VPS13B: variants seen among roughly 807,000 people sequenced by gnomAD.
VPS13B encodes the protein vacuolar protein sorting 13 homolog B, also known as intermembrane lipid transfer protein VPS13B.
Under a neutral mutation model 426.4 loss-of-function variants are expected in VPS13B, and 285 were observed. The observed-to-expected ratio is 0.67, with a 90% CI of 0.61 to 0.74. VPS13B has a LOEUF of 0.74. Among genes scored for constraint, VPS13B ranks in the 30% least tolerant of loss-of-function variants. VPS13B has a pLI of 0.00. For missense variants in VPS13B, 4,537 were observed against 4,782.6 expected (o/e 0.95, Z 1.51); for synonymous variants, 1,676 against 1,676.4 (o/e 1.00, Z 0.01).
At chr8:99,515,636 A>G (rs572088028) in intron 29 of VPS13B, among the ~76,000 whole-genome samples, 2 of 151,946 alleles carry the variant, frequency 1.3e-5, no homozygotes, top group South Asian at 4.1e-4. Flanking sequence ...CTTTGCAAAT[A>G]TGCATATTTT....
chr8:99,424,356 G>C (rs200338046), intron 21 of VPS13B: 3 of 151,762 alleles, frequency 2.0e-5, no homozygotes, highest in Non-Finnish European at 4.4e-5. Flanking sequence ...GGTCTTGACT[G>C]TTTATCCAAT....
intron 17 of VPS13B, chr8:99,209,776 T>C: frequency 1.1e-6 from 1 of 908,846 alleles, no homozygotes; most frequent in African/African-American, 1.8e-5. Flanking sequence ...ATATTAAATA[T>C]TCTTTATACA....
intron 15 of VPS13B, among the ~76,000 whole-genome samples, chr8:99,162,412 A>T (rs1368702031): frequency 6.6e-6 from 1 of 152,218 alleles, no homozygotes; most frequent in African/African-American, 2.4e-5. Context: ...TATATGATGA[A>T]ATTGTGTCCG....
chr8:99,191,979 G>T (rs1813622428), intron 16 of VPS13B, among the ~76,000 whole-genome samples: 1 of 152,138 alleles, frequency 6.6e-6, no homozygotes, highest in Non-Finnish European at 1.5e-5. Flanking sequence ...ATGGTGGAGG[G>T]TTTGTGGGGT....
intron 17 of VPS13B, among the ~76,000 whole-genome samples, chr8:99,251,575 C>A (rs1490857575): frequency 6.6e-6 from 1 of 152,070 alleles, no homozygotes; most frequent in African/African-American, 2.4e-5. Flanking sequence ...TCGCTGAATT[C>A]TATTTTTAAT....
chr8:99,867,956 C>A, intron 58 of VPS13B: 1 of 360,084 alleles, frequency 2.8e-6, no homozygotes, highest in Non-Finnish European at 5.4e-6. Context: ...GAACTGTTAG[C>A]TCCTCTCTCT....
rs144484712 is a variant in VPS13B at position 99,501,076 on chromosome 8, T to C, written c.3871-611T>C. Among the ~76,000 whole-genome samples the C allele has an allele frequency of 7.9e-4, 120 of 152,354 alleles. 2 individuals are homozygous for C. The highest frequency in any genetic ancestry group is 2.5e-3 in the African/African-American group (106 of 41,594). On this transcript the variant is annotated intron_variant, in intron 25 of 61. Coordinates refer to ENST00000357162, the MANE Select transcript of VPS13B (RefSeq NM_152564.5). ...ACTTAAAAAAATCTATTGTCAAATC[T>C]ACTAATTTTTAATGTCTCCTTAATT...
At chr8:99,635,186 C>T (rs12541307) in intron 33 of VPS13B, among the ~76,000 whole-genome samples, 1 of 151,762 alleles carries the variant, frequency 6.6e-6, no homozygotes, top group Admixed American at 6.6e-5. Context: ...AATACTGTAA[C>T]TTTTTTTACT....
chr8:99,600,795 C>T (rs1827254117), intron 33 of VPS13B, among the ~76,000 whole-genome samples: 1 of 152,110 alleles, frequency 6.6e-6, no homozygotes, highest in Non-Finnish European at 1.5e-5. Context: ...GGCAATGACT[C>T]TTCTGTTTAC....
intron 33 of VPS13B, among the ~76,000 whole-genome samples, chr8:99,610,901 T>G (rs1317643199): frequency 6.6e-6 from 1 of 152,228 alleles, no homozygotes; most frequent in Non-Finnish European, 1.5e-5. Context: ...AGAAAATCTA[T>G]GTGAGATATT....
chr8:99,506,215 A>G (rs1821491101), intron 27 of VPS13B, among the ~76,000 whole-genome samples: 1 of 152,164 alleles, frequency 6.6e-6, no homozygotes, highest in Admixed American at 6.5e-5. Flanking sequence ...GATGACTCTC[A>G]TCTCACAGAT....
intron 23 of VPS13B, among the ~76,000 whole-genome samples, chr8:99,462,239 T>C (rs756492722): frequency 6.8e-6 from 1 of 147,610 alleles, no homozygotes; most frequent in Non-Finnish European, 1.5e-5. Context: ...GAGAACTTGC[T>C]TATAAACTCT....
chr8:99,136,691 G>A lies in VPS13B; in HGVS notation c.1590G>A (p.Met530Ile), dbSNP rs200519753. 240 of 1,613,520 alleles carry A rather than the reference G, an allele frequency of 1.5e-4. No individual in the cohort carries two copies. Among genetic ancestry groups the A allele is most frequent in the Non-Finnish European group, 1.9e-4 (224 of 1,179,666 alleles). Residue 530 changes from methionine (M) to isoleucine (I), a missense_variant, in exon 12 of 62, where the codon ATG becomes ATA. By Grantham distance (10) the Met-to-Ile change is conservative (BLOSUM62 1). Coordinates refer to ENST00000357162, the MANE Select transcript of VPS13B (RefSeq NM_152564.5). Reference protein sequence around the residue: ...HKETYTEIAGMQRFGAFYMDY... With the variant: ...HKETYTEIAGIQRFGAFYMDY... ...AGACATACACTGAGATAGCTGGAAT[G>A]CAACGGTTTGGGGCTTTTTATATGG...
chr8:99,409,747 A>G (rs923229024), intron 21 of VPS13B, among the ~76,000 whole-genome samples: 8 of 152,176 alleles, frequency 5.3e-5, no homozygotes, highest in African/African-American at 1.9e-4. Context: ...CATCCGGACT[A>G]CATGCTGGCG....
At chr8:99,648,657 C>T (rs904219044) in intron 34 of VPS13B, among the ~76,000 whole-genome samples, 1 of 152,058 alleles carries the variant, frequency 6.6e-6, no homozygotes, top group Non-Finnish European at 1.5e-5. Flanking sequence ...TACATAGGTT[C>T]CTTTACTGTC....
chr8:99,416,465 G>GA (rs897424610), intron 21 of VPS13B, among the ~76,000 whole-genome samples: 7 of 151,370 alleles, frequency 4.6e-5, no homozygotes, highest in South Asian at 2.1e-4. Context: ...ACTGGCATAT[G>GA]AAAAAAAAAC....
At chr8:99,644,565 T>C (rs1829502446) in intron 34 of VPS13B, among the ~76,000 whole-genome samples, 1 of 152,030 alleles carries the variant, frequency 6.6e-6, no homozygotes, top group South Asian at 2.1e-4. Context: ...AGATTTAATA[T>C]AGGGGTGGGG....
At chr8:99,319,455 T>G (rs2133123534) in intron 19 of VPS13B, among the ~76,000 whole-genome samples, 1 of 152,314 alleles carries the variant, frequency 6.6e-6, no homozygotes, top group South Asian at 2.1e-4. Context: ...TTCAAGTAAT[T>G]ATCTACAGGT....
chr8:99,365,516 C>CTTCTTCTTCTT (rs71273182), intron 19 of VPS13B, among the ~76,000 whole-genome samples: 11 of 102,392 alleles, frequency 1.1e-4, no homozygotes, highest in African/African-American at 4.4e-4. Flanking sequence ...TCTTCTTCTT[C>CTTCTTCTTCTT]TTTTTTTTTT....
Sources: allele counts gnomAD v4.1 joint callset (sites outside exome capture counted in the v4.1 genomes callset), GRCh38; gene constraint gnomAD v4.1.1; transcripts MANE v1.5; gene names NCBI Gene and HGNC (gene_info 2026-07-23, HGNC 2026-07-21).